PCDH11X: variants seen among roughly 807,000 people sequenced by gnomAD.
PCDH11X encodes protocadherin 11 X-linked, also known as protocadherin-11 X-linked.
A neutral mutation model predicts 53.3 loss-of-function variants in PCDH11X; 18 were observed. That is an observed-to-expected ratio of 0.34 (90% CI 0.23 to 0.50). PCDH11X has a LOEUF of 0.50. PCDH11X is among the 20% of genes least tolerant of loss of function. The pLI, the probability that PCDH11X is intolerant of heterozygous loss-of-function variation, is 0.98. For synonymous variants in PCDH11X, 279 were observed against 393.3 expected (o/e 0.71, Z 3.44); for missense variants, 570 against 1,032.4 (o/e 0.55, Z 6.14).
chrX:92,193,135 A>AT (rs200135191), intron 6 of PCDH11X, among the ~76,000 whole-genome samples: 1,164 of 110,729 alleles, frequency 0.011, 15 homozygotes, highest in African/African-American at 0.036. Context: ...ATTAAAGGGG[A>AT]TTTTTTTTTA....
chrX:92,132,693 A>ATG (rs1184924235), intron 6 of PCDH11X, among the ~76,000 whole-genome samples: 1 of 92,692 alleles, frequency 1.1e-5, no homozygotes, highest in Non-Finnish European at 2.1e-5. Flanking sequence ...ATATGTATAT[A>ATG]TATATATATA....
chrX:92,474,661 T>G (rs1358034691), intron 10 of PCDH11X, among the ~76,000 whole-genome samples: 2 of 93,501 alleles, frequency 2.1e-5, no homozygotes, highest in Non-Finnish European at 4.2e-5. Context: ...AATACTATCT[T>G]ATAACCCATT....
chrX:91,847,892 T>G (rs754934748), intron 5 of PCDH11X, among the ~76,000 whole-genome samples: 1 of 112,441 alleles, frequency 8.9e-6, no homozygotes, highest in Non-Finnish European at 1.9e-5. Context: ...ATAAGATTTC[T>G]ATTTCCTTTG....
chrX:92,508,067 A>G (rs1166246253), intron 10 of PCDH11X, among the ~76,000 whole-genome samples: 1 of 110,905 alleles, frequency 9.0e-6, no homozygotes, highest in Admixed American at 9.6e-5. Context: ...TGCCGACCTC[A>G]GCCTCCCAAA....
chrX:91,784,918 T>A (rs2147509663), intron 1 of PCDH11X, among the ~76,000 whole-genome samples: 1 of 111,665 alleles, frequency 9.0e-6, no homozygotes, highest in African/African-American at 3.3e-5. Flanking sequence ...ATTTTCGTCA[T>A]CAAGGTTTCT....
chrX:92,234,130 T>C (rs1439041221), intron 7 of PCDH11X, among the ~76,000 whole-genome samples: 2 of 112,424 alleles, frequency 1.8e-5, no homozygotes, highest in African/African-American at 6.5e-5. Flanking sequence ...AAAATGATGT[T>C]CTTTTAAAAA....
chrX:92,392,320 C>A (rs1417997777), intron 9 of PCDH11X, among the ~76,000 whole-genome samples: 1 of 110,994 alleles, frequency 9.0e-6, no homozygotes, highest in Admixed American at 9.6e-5. Flanking sequence ...ATGATGTCTG[C>A]TAGAGTTTAT....
chrX:92,452,692 T>A (rs2072823977), intron 9 of PCDH11X, among the ~76,000 whole-genome samples: 1 of 87,857 alleles, frequency 1.1e-5, no homozygotes, highest in South Asian at 5.6e-4. Context: ...AGAGACGGGG[T>A]TTCACCATGT....
intron 6 of PCDH11X, among the ~76,000 whole-genome samples, chrX:91,986,355 T>A (rs938484409): frequency 8.0e-5 from 9 of 111,977 alleles, no homozygotes; most frequent in African/African-American, 2.9e-4. Flanking sequence ...GAATCAACCA[T>A]TTTAAAATTC....
chrX:92,054,114 C>T (rs1237319019), intron 6 of PCDH11X, among the ~76,000 whole-genome samples: 1 of 111,679 alleles, frequency 9.0e-6, no homozygotes, highest in East Asian at 2.8e-4. Flanking sequence ...CATTTCAACA[C>T]CCAACATTGC....
chrX:92,528,388 G>A (rs1418972439), intron 10 of PCDH11X, among the ~76,000 whole-genome samples: 2 of 87,770 alleles, frequency 2.3e-5, no homozygotes, highest in African/African-American at 8.1e-5. Flanking sequence ...CGCCTCCAGG[G>A]TTCAAGTGAT....
At chrX:91,988,455 A>T (rs2062261632) in intron 6 of PCDH11X, among the ~76,000 whole-genome samples, 1 of 112,149 alleles carries the variant, frequency 8.9e-6, no homozygotes, top group Non-Finnish European at 1.9e-5. Flanking sequence ...TCCCCCAAAC[A>T]TTGCAATTTA....
intron 6 of PCDH11X, among the ~76,000 whole-genome samples, chrX:91,924,864 G>C (rs1349772977): frequency 9.0e-6 from 1 of 111,063 alleles, no homozygotes; most frequent in African/African-American, 3.3e-5. Flanking sequence ...ATGGCTGCTG[G>C]AAATATTTTT....
intron 9 of PCDH11X, among the ~76,000 whole-genome samples, chrX:92,401,372 C>T (rs1333286353): frequency 9.0e-6 from 1 of 111,350 alleles, no homozygotes; most frequent in Non-Finnish European, 1.9e-5. Context: ...AACTCCAAAT[C>T]GTCACGGAAG....
chrX:91,825,690 T>C (rs1462197461), intron 4 of PCDH11X, among the ~76,000 whole-genome samples: 3 of 108,649 alleles, frequency 2.8e-5, no homozygotes, highest in Non-Finnish European at 5.6e-5. Context: ...TCGGCCATCT[T>C]GGCTCCTCCC....
At chrX:92,403,357 T>TG (rs1330649503) in intron 9 of PCDH11X, among the ~76,000 whole-genome samples, 1 of 98,637 alleles carries the variant, frequency 1.0e-5, no homozygotes, top group African/African-American at 3.8e-5. Flanking sequence ...TTTTTTTTTT[T>TG]TTTGTAGAAT....
At chrX:92,027,384 A>C (rs2062984243) in intron 6 of PCDH11X, among the ~76,000 whole-genome samples, 1 of 111,515 alleles carries the variant, frequency 9.0e-6, no homozygotes, top group Non-Finnish European at 1.9e-5. Context: ...TAGACGTCAA[A>C]TAATATAGAA....
chrX:91,824,320 C>T (rs1169793733), intron 4 of PCDH11X, among the ~76,000 whole-genome samples: 6 of 110,413 alleles, frequency 5.4e-5, no homozygotes, highest in African/African-American at 1.7e-4. Flanking sequence ...ACCAATCAGA[C>T]GTAGATTTGG....
At chrX:92,019,966 A>T (rs2062857134) in intron 6 of PCDH11X, among the ~76,000 whole-genome samples, 1 of 111,849 alleles carries the variant, frequency 8.9e-6, no homozygotes, top group Non-Finnish European at 1.9e-5. Flanking sequence ...GAGCCACATG[A>T]GGCAGGGGAG....
Sources: allele counts gnomAD v4.1 joint callset (sites outside exome capture counted in the v4.1 genomes callset), GRCh38; gene constraint gnomAD v4.1.1; transcripts MANE v1.5; gene names NCBI Gene and HGNC (gene_info 2026-07-23, HGNC 2026-07-21).